ZNF233: variants seen among roughly 807,000 people sequenced by gnomAD.
ZNF233 encodes zinc finger protein 233.
A neutral mutation model predicts 11.6 loss-of-function variants in ZNF233; 7 were observed. The ratio of observed to expected loss-of-function variants is 0.60; its 90% confidence interval spans 0.34 to 1.13. The LOEUF (loss-of-function observed/expected upper bound fraction) is 1.13, where lower values mean the gene tolerates loss of function less well. Among genes scored for constraint, ZNF233 ranks in the 50% most tolerant of loss-of-function variants. The pLI is 0.03. For missense variants in ZNF233, 711 were observed against 785.5 expected, an observed-to-expected ratio of 0.91 and a Z score of 1.13; for synonymous variants, 226 against 268.5, an observed-to-expected ratio of 0.84 and a Z score of 1.55.
chr19:44,267,090 CA>C (rs772701822), intron 4 of ZNF233, 129 bp downstream of exon 4: 23 of 592,682 alleles, frequency 3.9e-5, no homozygotes, highest in Non-Finnish European at 6.9e-5. Context: ...GCAGCTTGCA[CA>C]TGACCTTCCT....
chr19:44,274,272 T>C lies in ZNF233; in HGVS notation c.1612T>C (p.Cys538Arg). 3 of 1,611,300 alleles carry C rather than the reference T, an allele frequency of 1.9e-6. No homozygotes were observed. Among genetic ancestry groups the C allele is most frequent in the Non-Finnish European group, 2.5e-6 (3 of 1,177,666 alleles). ...RVHKGEKPYK[C>R]ETCGKGFSQS... is the part of the protein sequence containing the mutation. ...TCACAAAGGAGAGAAGCCATACAAA[T>C]GTGAGACATGTGGGAAGGGCTTTAG... Residue 538 changes from cysteine (C) to arginine (R), a missense_variant, in exon 5 of 5, where the codon TGT becomes CGT. Physicochemically the swap from Cys to Arg is radical, Grantham distance 180. Coordinates refer to ENST00000683810, the MANE Select transcript of ZNF233 (RefSeq NM_001207005.2).
chr19:44,270,971 T>A (rs1241347153), intron 4 of ZNF233, among the ~76,000 whole-genome samples: 1 of 152,204 alleles, frequency 6.6e-6, no homozygotes, highest in Non-Finnish European at 1.5e-5. Context: ...AGGGAATGGA[T>A]TCCAATGGGG....
At position 44,275,226 on chromosome 19, in the gene ZNF233, C is replaced by T. The variant is rs753073439; in HGVS notation, c.*553C>T. 8.2e-5 allele frequency: 23 copies of T among 280,498 alleles called. No individual in the cohort carries two copies. The highest frequency in any genetic ancestry group is 1.4e-4 in the Non-Finnish European group (22 of 152,998). 17.4% of individuals were successfully genotyped at this position (280,498 alleles called of 1,614,324 possible). ...TATTTTAGTGAGCTCAGCCCCAATT[C>T]GTCATTATAATTGTACTGGGAAAAG... On this transcript the variant is annotated 3_prime_UTR_variant, in exon 5 of 5. Coordinates refer to ENST00000683810, the MANE Select transcript of ZNF233 (RefSeq NM_001207005.2).
intron 1 of ZNF233, among the ~76,000 whole-genome samples, chr19:44,260,988 T>C (rs372471850): frequency 2.0e-5 from 3 of 152,162 alleles, no homozygotes; most frequent in Admixed American, 1.3e-4. Flanking sequence ...AAAGATAATA[T>C]TGTAATTCCT....
In ZNF233 at chr19:44,272,895, C is replaced by T; in HGVS notation, c.239-4C>T. On this transcript the variant is annotated splice_polypyrimidine_tract_variant and splice_region_variant and intron_variant, in intron 4 of 4. Transcript: ENST00000683810. ...TCATTTCTGAGTTCTCTTTATCATT[C>T]TAGGACACAAGAATCAAAATGAGAT... is the stretch of plus-strand genomic sequence containing the variant. The T allele has an allele frequency of 1.3e-6, 2 of 1,540,870 alleles. No individual in the cohort carries two copies. The highest frequency in any genetic ancestry group is 1.4e-5 in the African/African-American group (1 of 72,482).
chr19:44,270,669 C>A (rs1975213791), intron 4 of ZNF233, among the ~76,000 whole-genome samples: 1 of 152,186 alleles, frequency 6.6e-6, no homozygotes. Context: ...GACGGAGCTG[C>A]CGTCCCCGGA....
intron 4 of ZNF233, among the ~76,000 whole-genome samples, chr19:44,270,630 C>A (rs759550872): frequency 6.6e-6 from 1 of 152,198 alleles, no homozygotes. Flanking sequence ...AGGGTTCTCA[C>A]TCCGGATCTC....
chr19:44,267,218 C>G, intron 4 of ZNF233: 1 of 432,516 alleles, frequency 2.3e-6, no homozygotes, highest in Non-Finnish European at 4.1e-6. Context: ...ATTCCAAAAT[C>G]TCTACGAGCC....
chr19:44,272,861 T>C, intron 4 of ZNF233, 38 bp from the exon 5 acceptor site: 1 of 1,381,582 alleles, frequency 7.2e-7, no homozygotes, highest in Non-Finnish European at 9.8e-7. Context: ...TGTTCAGTTG[T>C]CTTCATTTTC....
At chr19:44,264,853 T>C (rs947652930) in intron 2 of ZNF233, among the ~76,000 whole-genome samples, 2 of 152,198 alleles carry the variant, frequency 1.3e-5, no homozygotes, top group African/African-American at 4.8e-5. Context: ...TTTGTCTAAT[T>C]TTTCAGAGGC....
intron 4 of ZNF233, among the ~76,000 whole-genome samples, chr19:44,271,646 A>C (rs1413932965): frequency 2.0e-5 from 3 of 151,796 alleles, no homozygotes; most frequent in Non-Finnish European, 4.4e-5. Context: ...AGTAGCCGGG[A>C]CTACAGGCGC....
At chr19:44,266,122 TCTAC>T (rs755016944) in intron 2 of ZNF233, 72 bp from the exon 3 acceptor site, 1 of 1,445,030 alleles carries the variant, frequency 6.9e-7, no homozygotes, top group Admixed American at 2.3e-5. Context: ...GCCTGTTCTT[TCTAC>T]CTGCTCAGTG....
At chr19:44,262,687 AT>A (rs1439410373) in intron 1 of ZNF233, among the ~76,000 whole-genome samples, 3 of 152,218 alleles carry the variant, frequency 2.0e-5, no homozygotes, top group Admixed American at 6.5e-5. Flanking sequence ...AGCTATCTGT[AT>A]TGAATGCTAT....
At chr19:44,268,605 T>C (rs1423924073) in intron 4 of ZNF233, among the ~76,000 whole-genome samples, 2 of 152,218 alleles carry the variant, frequency 1.3e-5, no homozygotes, top group Non-Finnish European at 2.9e-5. Flanking sequence ...AATGGACCGA[T>C]GTCAGTAACG....
chr19:44,273,287 ATGTGATCAT>A lies in ZNF233; in HGVS notation c.632_640del (p.Asp211_Cys213del). 6.2e-7 allele frequency: 1 copy of A among 1,614,096 alleles called. No individual in the cohort carries two copies. The highest frequency in any genetic ancestry group is 8.5e-7 in the Non-Finnish European group (1 of 1,180,018). ...TTGATGTAAAAAATAAGCTCTGTAA[ATGTGATCAT>A]TGTGTTAGGCAAAGAATTGCTCATC... On this transcript the variant is annotated inframe_deletion, in exon 5 of 5. Transcript: ENST00000683810.
rs1975290135 is a variant in ZNF233 at position 44,273,213 on chromosome 19, A to T, written c.553A>T (p.Lys185Ter). 7 of 1,613,626 alleles carry T rather than the reference A, an allele frequency of 4.3e-6. No individual in the cohort carries two copies. The highest frequency in any genetic ancestry group is 1.7e-5 in the Admixed American group (1 of 60,002). The change falls in exon 5 of 5, where the codon AAA becomes TAA. Residue 185 changes from lysine to a stop codon, truncating the protein, a stop_gained. Transcript: ENST00000683810. LOFTEE classifies it low-confidence loss of function (END_TRUNC). ...GAGGACCACCTGGGATTTCTGGAGG[A>T]AAATGTATCTGAGAGAACCACAGAA... Reference protein sequence around the residue: ...PLRTTWDFWRKMYLREPQNYQ... With the variant: ...PLRTTWDFWR
At chr19:44,265,362 T>TACACAC (rs1329050334) in intron 2 of ZNF233, among the ~76,000 whole-genome samples, 7 of 87,554 alleles carry the variant, frequency 8.0e-5, no homozygotes, top group Non-Finnish European at 1.9e-4. Flanking sequence ...CCATCATATA[T>TACACAC]ATATACACAC....
In ZNF233 at chr19:44,262,360, G is replaced by A. The variant is rs1039462184; in HGVS notation, c.-47-1954G>A. On this transcript the variant is annotated intron_variant, in intron 1 of 4. Transcript: ENST00000683810. ...CAGAGTGGCAGGAGCAAAGGCACGAGAGGACTTGACAACCTAGGAATGAAC... is the reference window on the plus strand; with the variant it reads ...CAGAGTGGCAGGAGCAAAGGCACGAAAGGACTTGACAACCTAGGAATGAAC... Among the ~76,000 whole-genome samples the A allele has an allele frequency of 3.3e-5, 5 of 152,238 alleles. No individual in the cohort carries two copies. The East Asian group carries it at 9.6e-4, about 29-fold the overall frequency.
chr19:44,273,695 G>A lies in ZNF233; in HGVS notation c.1035G>A (p.Gln345=). 1 of 1,614,024 alleles carries A rather than the reference G, an allele frequency of 6.2e-7. No homozygotes were observed. Among genetic ancestry groups the A allele is most frequent in the Non-Finnish European group, 8.5e-7 (1 of 1,179,996 alleles). Residue 345 remains glutamine, a synonymous_variant, in exon 5 of 5, where the codon CAG becomes CAA. Transcript: ENST00000683810. ...VSTGENLYRC[Q]VYARSSNQNS... ...CAGGAGAGAACCTCTACAGATGTCA[G>A]GTATATGCCCGGAGCTCCAACCAGA... is the stretch of plus-strand genomic sequence containing the variant.
Sources: allele counts gnomAD v4.1 joint callset (sites outside exome capture counted in the v4.1 genomes callset), GRCh38; gene constraint gnomAD v4.1.1; transcripts MANE v1.5; gene names NCBI Gene and HGNC (gene_info 2026-07-23, HGNC 2026-07-21).